FYN: variants seen among roughly 807,000 people sequenced by gnomAD.
FYN encodes the protein FYN proto-oncogene, Src family tyrosine kinase.
FYN carries 10 observed loss-of-function variants against 70.2 expected under a neutral mutation model. The ratio of observed to expected loss-of-function variants is 0.14; its 90% CI spans 0.09 to 0.24. The LOEUF is 0.24. Ranked by LOEUF, FYN falls within the 10% of genes least tolerant of loss-of-function variation. The pLI is 1.00. For synonymous variants in FYN, 236 were observed against 248.6 expected (o/e 0.95, Z 0.48); for missense variants, 319 against 673.1 (o/e 0.47, Z 5.82).
In FYN at chr6:111,678,502, T is replaced by C. The variant is rs115231012; in HGVS notation, c.1274-3872A>G. The stretch of plus-strand genomic sequence containing the variant: ...ATAAGTGGTCACAAACTCTGTGTAA[T>C]ATCAGGGATCTTATTCAATCCCATG... On this transcript the variant is annotated intron_variant, in intron 12 of 13. Transcript: ENST00000354650. Among the ~76,000 whole-genome samples, 1,265 of 152,316 alleles carry C rather than the reference T, an allele frequency of 8.3e-3. 14 individuals carry two copies. The highest frequency in any genetic ancestry group is 0.029 in the African/African-American group (1,189 of 41,560).
intron 2 of FYN, among the ~76,000 whole-genome samples, chr6:111,831,956 A>C (rs572754446): frequency 6.6e-6 from 1 of 152,324 alleles, no homozygotes; most frequent in South Asian, 2.1e-4. Flanking sequence ...AATATCTTAT[A>C]CCTGAGATTG....
intron 12 of FYN, among the ~76,000 whole-genome samples, chr6:111,691,437 C>T (rs1290840250): frequency 6.6e-6 from 1 of 152,218 alleles, no homozygotes; most frequent in African/African-American, 2.4e-5. Context: ...CAAGATGCAG[C>T]ATGGCTGTGG....
intron 13 of FYN, among the ~76,000 whole-genome samples, chr6:111,673,622 G>T (rs369797105): frequency 0.11 from 12,706 of 116,416 alleles, 771 homozygotes; most frequent in Middle Eastern, 0.15. Context: ...TTCTATCATT[G>T]TTTTTTTTTT....
At chr6:111,869,310 A>G (rs978786997) in intron 1 of FYN, among the ~76,000 whole-genome samples, 4 of 152,266 alleles carry the variant, frequency 2.6e-5, no homozygotes, top group Non-Finnish European at 5.9e-5. Flanking sequence ...TCCGTTAAGA[A>G]GCTGCAAGGC....
chr6:111,806,699 T>C (rs796422274), intron 2 of FYN, among the ~76,000 whole-genome samples: 5 of 152,300 alleles, frequency 3.3e-5, no homozygotes, highest in African/African-American at 1.2e-4. Context: ...CAAGAAATTC[T>C]GTCTTATAAT....
chr6:111,789,280 C>T (rs1771518113), intron 2 of FYN, among the ~76,000 whole-genome samples: 1 of 152,108 alleles, frequency 6.6e-6, no homozygotes, highest in African/African-American at 2.4e-5. Context: ...GTCCCAGCAT[C>T]CATGGCTCTG....
At chr6:111,839,975 T>C (rs1773307101) in intron 2 of FYN, among the ~76,000 whole-genome samples, 1 of 152,180 alleles carries the variant, frequency 6.6e-6, no homozygotes, top group African/African-American at 2.4e-5. Context: ...TCAGAGCCCA[T>C]AATTCCTCTT....
At chr6:111,822,072 T>C (rs1365311294) in intron 2 of FYN, among the ~76,000 whole-genome samples, 10 of 152,214 alleles carry the variant, frequency 6.6e-5, no homozygotes, top group African/African-American at 2.4e-4. Flanking sequence ...GACACTGTGG[T>C]GATTCCTCAA....
At chr6:111,800,564 G>C (rs1193917919) in intron 2 of FYN, among the ~76,000 whole-genome samples, 1 of 152,206 alleles carries the variant, frequency 6.6e-6, no homozygotes, top group South Asian at 2.1e-4. Flanking sequence ...GACTGCAACC[G>C]CGCTTCCTAA....
intron 3 of FYN, among the ~76,000 whole-genome samples, chr6:111,760,337 C>T (rs1802948756): frequency 1.3e-5 from 2 of 152,132 alleles, no homozygotes; most frequent in African/African-American, 2.4e-5. Flanking sequence ...CTCCTGCTCG[C>T]TTCCATCTGC....
intron 12 of FYN, among the ~76,000 whole-genome samples, chr6:111,677,261 G>C (rs1798571097): frequency 6.6e-6 from 1 of 152,212 alleles, no homozygotes; most frequent in African/African-American, 2.4e-5. Flanking sequence ...AACAAAAGAA[G>C]CTTCTTTATA....
At chr6:111,790,445 T>C (rs565050754) in intron 2 of FYN, among the ~76,000 whole-genome samples, 120 of 152,182 alleles carry the variant, frequency 7.9e-4, no homozygotes, top group African/African-American at 2.7e-3. Context: ...CTAAGAACAC[T>C]GAAAATCTCA....
intron 3 of FYN, among the ~76,000 whole-genome samples, chr6:111,724,496 C>T (rs1257417048): frequency 6.6e-6 from 1 of 152,166 alleles, no homozygotes; most frequent in Non-Finnish European, 1.5e-5. Context: ...TAAAGCAATG[C>T]CAGTAAGCCC....
rs804186 is a variant in FYN at position 111,694,620 on chromosome 6, G to A, written c.1119+8C>T. 1.2e-5 allele frequency: 19 copies of A among 1,613,844 alleles called. No homozygotes were observed. The Admixed American group carries it at 2.7e-4, about 23-fold the overall frequency. Reference sequence around the variant, plus strand: ...CTATGGCACATCAAGTTACCCTGCAGGGCCTACCTGTGCTGCCATGTCCAC... The same window carrying A: ...CTATGGCACATCAAGTTACCCTGCAAGGCCTACCTGTGCTGCCATGTCCAC... On this transcript the variant is annotated splice_region_variant and intron_variant, in intron 11 of 13. Transcript: ENST00000354650. The surrounding 1 kb of genome is among the most constrained non-coding windows in gnomAD (Gnocchi z 5.0).
rs372425263 is a variant in FYN at position 111,850,430 on chromosome 6, A to G, written c.-122-3801T>C. Among the ~76,000 whole-genome samples, 5 of 152,206 alleles carry G rather than the reference A, an allele frequency of 3.3e-5. No homozygotes were observed. In the East Asian group the frequency reaches 5.8e-4, roughly 18 times the overall value. Reference sequence around the variant, plus strand: ...ATGGCTTCTTTCTGCACCAATGATCATAGCTCTATTCAACCACAACTAAAG... The same window carrying G: ...ATGGCTTCTTTCTGCACCAATGATCGTAGCTCTATTCAACCACAACTAAAG... On this transcript the variant is annotated intron_variant, in intron 1 of 13. Transcript: ENST00000354650.
chr6:111,692,112 C>A (rs574854925), intron 12 of FYN, among the ~76,000 whole-genome samples: 220 of 149,462 alleles, frequency 1.5e-3, no homozygotes, highest in Middle Eastern at 3.4e-3. Context: ...CCCCCCCCCC[C>A]AGTTCAGCTC....
intron 12 of FYN, among the ~76,000 whole-genome samples, chr6:111,685,913 C>T (rs1288845093): frequency 1.3e-5 from 2 of 152,132 alleles, no homozygotes; most frequent in African/African-American, 2.4e-5. Context: ...CTTGAGGTGA[C>T]CACTGCTTAC....
intron 2 of FYN, among the ~76,000 whole-genome samples, chr6:111,789,668 G>A (rs968264780): frequency 6.6e-6 from 1 of 152,148 alleles, no homozygotes; most frequent in African/African-American, 2.4e-5. Flanking sequence ...TCCCTGTCAG[G>A]TGATCACATC....
At chr6:111,809,416 G>A (rs1206349380) in intron 2 of FYN, among the ~76,000 whole-genome samples, 1 of 152,200 alleles carries the variant, frequency 6.6e-6, no homozygotes, top group African/African-American at 2.4e-5. Flanking sequence ...ATCAGCATAA[G>A]TGAAGAATAA....
Sources: gnomAD v4.1 joint callset for allele counts (sites outside exome capture counted in the v4.1 genomes callset) on GRCh38, gnomAD v4.1.1 for gene constraint, Gnocchi (gnomAD v3.1) non-coding constraint, MANE v1.5 for transcripts, NCBI Gene and HGNC (gene_info 2026-07-23, HGNC 2026-07-21) for gene names.